The following SNX14 variants were observed in gnomAD, a reference collection of about 807,000 sequenced individuals.
The protein encoded by SNX14 is sorting nexin-14.
In SNX14, 93 loss-of-function variants were observed where a neutral mutation model predicts 133.8. That is an observed-to-expected ratio of 0.70 (90% CI 0.59 to 0.83). The LOEUF is 0.83. Among genes scored for constraint, SNX14 ranks in the 40% least tolerant of loss-of-function variants. SNX14 has a pLI of 0.00. For synonymous variants in SNX14, 368 were observed against 365.6 expected (o/e 1.01, Z -0.07); for missense variants, 945 against 1,094.9 (o/e 0.86, Z 1.93).
chr6:85,519,975 G>C lies in SNX14; in HGVS notation c.2108-1927C>G, dbSNP rs545683071. Among the ~76,000 whole-genome samples, 5 of 151,974 alleles carry C rather than the reference G, an allele frequency of 3.3e-5. No homozygotes were observed. In the South Asian group the frequency reaches 8.3e-4, roughly 25 times the overall value. On this transcript the variant is annotated intron_variant, in intron 21 of 28. Coordinates refer to ENST00000314673, the MANE Select transcript of SNX14 (RefSeq NM_153816.6). Reference sequence around the variant, plus strand: ...TCTAAAAACCATAATGAATACAAATGAATAAAAAATAAAATATATTTAGAA... The same window carrying C: ...TCTAAAAACCATAATGAATACAAATCAATAAAAAATAAAATATATTTAGAA...
At chr6:85,526,401 A>G (rs1256072670) in intron 20 of SNX14, among the ~76,000 whole-genome samples, 164 bp from the exon 21 acceptor site, 2 of 152,216 alleles carry the variant, frequency 1.3e-5, no homozygotes, top group African/African-American at 4.8e-5. Flanking sequence ...GATAGTAGGT[A>G]AGACCTTGGC....
At chr6:85,530,091 T>C in intron 19 of SNX14, 101 bp downstream of exon 19, 1 of 657,430 alleles carries the variant, frequency 1.5e-6, no homozygotes, top group Admixed American at 3.3e-5. Context: ...GTTGTATTTC[T>C]TGTATTTCAA....
At chr6:85,542,899 T>C (rs1784264454) in intron 14 of SNX14, among the ~76,000 whole-genome samples, 2 of 152,134 alleles carry the variant, frequency 1.3e-5, no homozygotes, top group Non-Finnish European at 1.5e-5. Flanking sequence ...CCTGAGTAAC[T>C]GAGATTACAG....
chr6:85,553,356 TAG>T (rs1047959410), intron 7 of SNX14, among the ~76,000 whole-genome samples: 1 of 152,246 alleles, frequency 6.6e-6, no homozygotes, highest in Non-Finnish European at 1.5e-5. Context: ...ATGGGTCTTT[TAG>T]AAATTTCTAT....
At chr6:85,534,572 T>C (rs1433469912) in intron 17 of SNX14, among the ~76,000 whole-genome samples, 3 of 152,170 alleles carry the variant, frequency 2.0e-5, no homozygotes, top group Non-Finnish European at 4.4e-5. Flanking sequence ...CAATCAAGAA[T>C]TTCCTTCTTC....
Position 85,574,328 on chromosome 6 carries a change from G to A in SNX14, c.191C>T (p.Thr64Ile). The A allele has an allele frequency of 6.3e-7, 1 of 1,586,972 alleles. No individual in the cohort carries two copies. Among genetic ancestry groups the A allele is most frequent in the Non-Finnish European group, 8.6e-7 (1 of 1,157,632 alleles). ...IFWSFVAGVV[T>I]FYCSLGPDSL... is the part of the protein sequence containing the mutation. ...ATCAGGTCCTAGTGAGCAGTAGAAT[G>A]TGACAACTCCAGCAACAAATGACCA... Residue 64 changes from threonine (T) to isoleucine (I), a missense_variant, in exon 2 of 29, where the codon ACA becomes ATA. By Grantham distance (89) the Thr-to-Ile change is moderately conservative. Transcript: ENST00000314673.
At chr6:85,566,565 G>A (rs1349959602) in intron 5 of SNX14, among the ~76,000 whole-genome samples, 2 of 152,022 alleles carry the variant, frequency 1.3e-5, no homozygotes, top group Non-Finnish European at 2.9e-5. Flanking sequence ...AAGCATTGTG[G>A]TGCACGCCTG....
At position 85,543,774 on chromosome 6, in the gene SNX14, G is replaced by A. The variant is rs1036420138; in HGVS notation, c.1109-14C>T. On this transcript the variant is annotated splice_polypyrimidine_tract_variant and intron_variant, in intron 12 of 28. Transcript: ENST00000314673. Reference sequence around the variant, plus strand: ...CATTAAATTCCTCTAACAAATGAGGGAATGAATAAGAAAAAATAATTTTAA... The same window carrying A: ...CATTAAATTCCTCTAACAAATGAGGAAATGAATAAGAAAAAATAATTTTAA... The A allele has an allele frequency of 7.0e-7, 1 of 1,426,186 alleles. No homozygotes were observed. The allele number at this position is 1,426,186 out of a possible 1,614,324, so 88.3% of individuals were successfully genotyped here.
At chr6:85,593,456 C>T (rs553564823) in intron 1 of SNX14, 123 bp downstream of exon 1, 1 of 1,397,592 alleles carries the variant, frequency 7.2e-7, no homozygotes, top group African/African-American at 1.5e-5. Flanking sequence ...CTCTGCGGAG[C>T]TCGCTCTCCC....
At chr6:85,533,513 A>T in intron 18 of SNX14, 86 bp downstream of exon 18, 1 of 1,282,420 alleles carries the variant, frequency 7.8e-7, no homozygotes, top group Non-Finnish European at 1.1e-6. Context: ...TTTGTTAGTT[A>T]GAAGTGGCAA....
At chr6:85,551,268 G>A (rs1158986900) in intron 7 of SNX14, among the ~76,000 whole-genome samples, 1 of 152,166 alleles carries the variant, frequency 6.6e-6, no homozygotes, top group Non-Finnish European at 1.5e-5. Context: ...TCAGAAAGAT[G>A]CTATGAAACT....
chr6:85,593,760 A>G lies in SNX14; in HGVS notation c.-42T>C, dbSNP rs1803791437. 2 of 1,610,062 alleles carry G rather than the reference A, an allele frequency of 1.2e-6. No homozygotes were observed. The highest frequency in any genetic ancestry group is 1.7e-5 in the Admixed American group (1 of 59,800). On this transcript the variant is annotated 5_prime_UTR_variant, in exon 1 of 29. Transcript: ENST00000314673. The stretch of plus-strand genomic sequence containing the variant: ...CCGAGACTGCGCTACTGGCTGAGGC[A>G]GAGGTCAAGGCGACCCCCCATCCAC...
rs137961162 is a variant in SNX14, at chr6:85,565,370, G to A, written c.511C>T (p.Arg171Cys). The A allele has an allele frequency of 1.2e-5, 20 of 1,602,732 alleles. No individual in the cohort carries two copies. The highest frequency in any genetic ancestry group is 2.2e-5 in the East Asian group (1 of 44,552). The change falls in exon 6 of 29, where the codon CGT (arginine) becomes TGT (cysteine). Residue 171 changes from arginine (R) to cysteine (C), a missense_variant. Arg to Cys is a radical substitution (Grantham distance 180). This residue lies in a region of SNX14 where 514 missense variants were observed against 538.8 expected (regional missense o/e 0.95). Transcript: ENST00000314673. The stretch of plus-strand genomic sequence containing the variant: ...CTTATTAAGACAGATGCAAAAAAAC[G>A]TAATGTTATTCTCAGTTCATCAACA... Reference protein sequence around the residue: ...SFVDELRITLRFFASVLIRRI... With the variant: ...SFVDELRITLCFFASVLIRRI...
chr6:85,534,837 T>TTG (rs1554227178), intron 17 of SNX14, among the ~76,000 whole-genome samples: 4 of 150,862 alleles, frequency 2.7e-5, no homozygotes, highest in Non-Finnish European at 4.4e-5. Flanking sequence ...GAAAGTTTTT[T>TTG]TTTTTTTTTT....
chr6:85,585,195 T>A (rs766118512), intron 1 of SNX14, among the ~76,000 whole-genome samples: 1 of 151,230 alleles, frequency 6.6e-6, no homozygotes. Flanking sequence ...TGAGAACACA[T>A]AGACACAGGG....
chr6:85,520,902 C>A (rs185543343), intron 21 of SNX14, among the ~76,000 whole-genome samples: 1 of 152,286 alleles, frequency 6.6e-6, no homozygotes, highest in Admixed American at 6.5e-5. Context: ...CTAGTTTGGG[C>A]TATACAAAGA....
Position 85,547,569 on chromosome 6 carries a change from C to A in SNX14, c.868-19G>T, listed in dbSNP as rs1326976851. 2 of 1,572,280 alleles carry A rather than the reference C, an allele frequency of 1.3e-6. No individual in the cohort carries two copies. The highest frequency in any genetic ancestry group is 2.2e-5 in the East Asian group (1 of 44,562). The stretch of plus-strand genomic sequence containing the variant: ...CAGTATCCTAGTGGAAAATAATAAA[C>A]ATAAGTCAAAATAATTCCACTACTG... On this transcript the variant is annotated intron_variant, in intron 9 of 28. Transcript: ENST00000314673.
intron 1 of SNX14, among the ~76,000 whole-genome samples, chr6:85,590,870 T>C: frequency 6.6e-6 from 1 of 152,246 alleles, no homozygotes; most frequent in East Asian, 1.9e-4. Context: ...TTTTCTTTTT[T>C]CACAATGGTC....
At chr6:85,578,077 C>T (rs531507865) in intron 1 of SNX14, among the ~76,000 whole-genome samples, 2 of 152,040 alleles carry the variant, frequency 1.3e-5, no homozygotes, top group East Asian at 3.9e-4. Flanking sequence ...GATTAAAAAC[C>T]TGATCACATT....
Sources: gnomAD v4.1 joint callset for allele counts (sites outside exome capture counted in the v4.1 genomes callset) on GRCh38, gnomAD v4.1.1 for gene constraint, gnomAD v4.1.1 regional missense constraint, MANE v1.5 for transcripts, NCBI Gene and HGNC (gene_info 2026-07-23, HGNC 2026-07-21) for gene names.